Variants in FAM163A observed in about 807,000 individuals in gnomAD.
The protein encoded by FAM163A is family with sequence similarity 163 member A, also known as protein FAM163A.
FAM163A carries 7 observed loss-of-function variants against 12.0 expected under a neutral mutation model. That is an observed-to-expected ratio of 0.58 (90% CI 0.33 to 1.10). FAM163A has a LOEUF of 1.10. FAM163A is among the 50% of genes least tolerant of loss of function. The pLI, the probability that FAM163A is intolerant of heterozygous loss-of-function variation, is 0.03. For missense variants in FAM163A, 202 were observed against 218.6 expected, an observed-to-expected ratio of 0.92 and a Z score of 0.48; for synonymous variants, 101 against 91.0, an observed-to-expected ratio of 1.11 and a Z score of -0.62.
intron 1 of FAM163A, among the ~76,000 whole-genome samples, chr1:179,786,820 G>T (rs1395522584): frequency 6.6e-6 from 1 of 152,096 alleles, no homozygotes; most frequent in Non-Finnish European, 1.5e-5. Flanking sequence ...TCAGCCCAAG[G>T]CCTCTGTCCT....
intron 1 of FAM163A, among the ~76,000 whole-genome samples, chr1:179,763,060 G>A (rs960106934): frequency 6.6e-6 from 1 of 152,178 alleles, no homozygotes; most frequent in African/African-American, 2.4e-5. Flanking sequence ...TTAGAATTCA[G>A]GCTTAAACAC....
At chr1:179,796,919 C>T (rs1431337579) in intron 1 of FAM163A, among the ~76,000 whole-genome samples, 3 of 152,204 alleles carry the variant, frequency 2.0e-5, no homozygotes, top group African/African-American at 7.2e-5. Flanking sequence ...GGAGTCTTCC[C>T]CCATGGGTTA....
the FAM163A span, among the ~76,000 whole-genome samples, chr1:179,731,151 C>T: frequency 6.6e-6 from 1 of 152,080 alleles, no homozygotes; most frequent in South Asian, 2.1e-4. Context: ...GTGCTTTCTT[C>T]GTTAGGTTTA....
chr1:179,812,044 CT>C, intron 2 of FAM163A, 65 bp from the exon 3 acceptor site: 1 of 152,594 alleles, frequency 6.6e-6, no homozygotes, highest in Admixed American at 6.5e-5. Flanking sequence ...TCATCTAACC[CT>C]TCTGGCCTTT....
chr1:179,814,124 G>T lies in FAM163A; in HGVS notation c.439G>T (p.Val147Leu). The T allele has an allele frequency of 6.2e-7, 1 of 1,614,206 alleles. No homozygotes were observed. Among genetic ancestry groups the T allele is most frequent in the Non-Finnish European group, 8.5e-7 (1 of 1,180,036 alleles). Reference sequence around the variant, plus strand: ...ATTGGCAGCACCCCAGAGTTACCCGGTGACCTGGCCAGGCTCTGGGCGTGA... The same window carrying T: ...ATTGGCAGCACCCCAGAGTTACCCGTTGACCTGGCCAGGCTCTGGGCGTGA... The part of the protein sequence containing the change: ...LKLAAPQSYP[V>L]TWPGSGREAF... The change falls in exon 5 of 5, where the codon GTG becomes TTG. Residue 147 changes from valine (V) to leucine (L), a missense_variant. Transcript: ENST00000341785.
intron 1 of FAM163A, among the ~76,000 whole-genome samples, chr1:179,789,322 C>T (rs1691101114): frequency 6.6e-6 from 1 of 152,132 alleles, no homozygotes; most frequent in Non-Finnish European, 1.5e-5. Context: ...TCTGGGATTA[C>T]AGGCACCTGC....
rs1695280708 is a variant in FAM163A at position 179,815,903 on chromosome 1, G to A, written c.*1714G>A. ...TCAATCTGGAATCAAAGTGCCCTGGGTTGAGAAGCAGACCTGGGCTCTGGT... is the reference window on the plus strand; with the variant it reads ...TCAATCTGGAATCAAAGTGCCCTGGATTGAGAAGCAGACCTGGGCTCTGGT... On this transcript the variant is annotated 3_prime_UTR_variant, in exon 5 of 5. Transcript: ENST00000341785. 6.6e-6 allele frequency: 1 copy of A among 152,226 alleles called. No homozygotes were observed. The highest frequency in any genetic ancestry group is 1.5e-5 in the Non-Finnish European group (1 of 68,072). The allele number at this position is 152,226 out of a possible 1,614,324, so 9.4% of individuals were successfully genotyped here.
Position 179,814,919 on chromosome 1 carries a change from T to G in FAM163A, c.*730T>G, listed in dbSNP as rs1695166727. 1 of 152,188 alleles carries G rather than the reference T, an allele frequency of 6.6e-6. No individual in the cohort carries two copies. Among genetic ancestry groups the G allele is most frequent in the African/African-American group, 2.4e-5 (1 of 41,418 alleles). The allele number at this position is 152,188 out of a possible 1,614,324, so 9.4% of individuals were successfully genotyped here. A position where few individuals can be genotyped will look rare whatever the true frequency, so the allele number is the denominator to read the frequency against. ...CTAACCTTGTGTTCCCCGAAATCCT[T>G]TCTCTGACTTAGGAACCAGCGCCCC... On this transcript the variant is annotated 3_prime_UTR_variant, in exon 5 of 5. Transcript: ENST00000341785.
At chr1:179,785,447 C>T (rs995916239) in intron 1 of FAM163A, among the ~76,000 whole-genome samples, 3 of 152,146 alleles carry the variant, frequency 2.0e-5, no homozygotes, top group Non-Finnish European at 4.4e-5. Flanking sequence ...CCTGGGTTTT[C>T]GTTCTGTAGC....
intron 1 of FAM163A, among the ~76,000 whole-genome samples, chr1:179,798,096 G>A (rs929404908): frequency 6.6e-6 from 1 of 152,110 alleles, no homozygotes; most frequent in African/African-American, 2.4e-5. Context: ...CAGGCATGGT[G>A]GCAGGTACCT....
intron 1 of FAM163A, among the ~76,000 whole-genome samples, chr1:179,748,442 C>T (rs537328337): frequency 6.6e-6 from 1 of 152,142 alleles, no homozygotes; most frequent in Admixed American, 6.5e-5. Flanking sequence ...AAGATGTTTA[C>T]ATAGTATACA....
At chr1:179,753,487 A>T (rs1472776371) in intron 1 of FAM163A, among the ~76,000 whole-genome samples, 1 of 152,214 alleles carries the variant, frequency 6.6e-6, no homozygotes, top group East Asian at 1.9e-4. Context: ...GGCACAGTTT[A>T]ATGGAAATGT....
In FAM163A at chr1:179,813,368, C is replaced by T. The variant is rs557721179; in HGVS notation, c.93+178C>T. On this transcript the variant is annotated intron_variant, in intron 4 of 4. Coordinates refer to ENST00000341785, the MANE Select transcript of FAM163A (RefSeq NM_173509.3). The stretch of plus-strand genomic sequence containing the variant: ...GCTGGTCGGAAGGGAGCTAAGTGCC[C>T]CCCAGCCTGCCCACTCAGAGCACAC... Among the ~76,000 whole-genome samples, 3 of 152,282 alleles carry T rather than the reference C, an allele frequency of 2.0e-5. No individual in the cohort carries two copies. The East Asian group carries it at 5.8e-4, about 29-fold the overall frequency.
intron 1 of FAM163A, among the ~76,000 whole-genome samples, chr1:179,750,233 G>A (rs749501980): frequency 2.6e-5 from 4 of 152,212 alleles, no homozygotes; most frequent in Admixed American, 2.0e-4. Flanking sequence ...TACAATGTTG[G>A]AGGCAGGGGG....
At chr1:179,807,530 C>A (rs905782446) in intron 1 of FAM163A, among the ~76,000 whole-genome samples, 1 of 152,240 alleles carries the variant, frequency 6.6e-6, no homozygotes, top group African/African-American at 2.4e-5. Flanking sequence ...GCCCAGCATC[C>A]TGCCGCTGCC....
chr1:179,810,580 T>C (rs968274178), intron 2 of FAM163A, among the ~76,000 whole-genome samples: 1 of 152,154 alleles, frequency 6.6e-6, no homozygotes, highest in Non-Finnish European at 1.5e-5. Context: ...TCACTCAGCT[T>C]TTAGGATTCA....
At chr1:179,748,543 C>G (rs1053424826) in intron 1 of FAM163A, among the ~76,000 whole-genome samples, 1 of 152,196 alleles carries the variant, frequency 6.6e-6, no homozygotes, top group Admixed American at 6.5e-5. Context: ...AGGCATGGCC[C>G]CCAGGTTCAG....
intron 2 of FAM163A, among the ~76,000 whole-genome samples, chr1:179,810,503 G>A (rs1048254418): frequency 3.9e-5 from 6 of 152,128 alleles, no homozygotes; most frequent in Non-Finnish European, 8.8e-5. Context: ...CGCAGTTCCT[G>A]GAACTGTTTT....
the FAM163A span, among the ~76,000 whole-genome samples, chr1:179,736,730 A>G: frequency 6.6e-6 from 1 of 152,146 alleles, no homozygotes; most frequent in Non-Finnish European, 1.5e-5. Context: ...GAATCACTTG[A>G]ACCCAGGAGG....
Sources: allele counts gnomAD v4.1 joint callset (sites outside exome capture counted in the v4.1 genomes callset), GRCh38; gene constraint gnomAD v4.1.1; transcripts MANE v1.5; gene names NCBI Gene and HGNC (gene_info 2026-07-23, HGNC 2026-07-21).